DNAJC12: variants seen among roughly 807,000 people sequenced by gnomAD.
The protein encoded by DNAJC12 is DnaJ heat shock protein family (Hsp40) member C12, also known as dnaJ homolog subfamily C member 12.
DNAJC12 carries 25 observed loss-of-function variants against 28.5 expected under a neutral mutation model. The observed-to-expected ratio is 0.88, with a 90% CI of 0.64 to 1.22. DNAJC12 has a LOEUF of 1.22. Ranked by LOEUF, DNAJC12 falls within the 50% of genes most tolerant of loss-of-function variation. The pLI is 0.00. For missense variants in DNAJC12, 222 were observed against 231.7 expected (o/e 0.96, Z 0.27); for synonymous variants, 77 against 80.6 (o/e 0.95, Z 0.24).
At position 67,828,672 on chromosome 10, in the gene DNAJC12, C is replaced by A. The variant is rs60246281; in HGVS notation, c.79-5280G>T. Among the ~76,000 whole-genome samples the A allele has an allele frequency of 3.0e-3, 451 of 151,346 alleles. 3 individuals are homozygous for A. Among genetic ancestry groups the A allele is most frequent in the African/African-American group, 0.01 (423 of 41,190 alleles). ...TATTCTATTTTCTCTCTCTCTCTCT[C>A]TCTATATATATATATATACACACAT... On this transcript the variant is annotated intron_variant, in intron 1 of 4. Coordinates refer to ENST00000225171, the MANE Select transcript of DNAJC12 (RefSeq NM_021800.3).
chr10:67,805,049 A>C (rs564773966), intron 4 of DNAJC12, among the ~76,000 whole-genome samples: 8 of 152,256 alleles, frequency 5.3e-5, no homozygotes, highest in South Asian at 2.1e-4. Context: ...AAAAAAAATT[A>C]AATTCAATTC....
chr10:67,798,210 A>G (rs1399160099), intron 4 of DNAJC12, among the ~76,000 whole-genome samples: 1 of 152,106 alleles, frequency 6.6e-6, no homozygotes, highest in African/African-American at 2.4e-5. Context: ...AACTTTAGCA[A>G]ATGAAAGCTG....
chr10:67,826,637 A>G (rs1564865776), intron 1 of DNAJC12, among the ~76,000 whole-genome samples: 2 of 133,602 alleles, frequency 1.5e-5, no homozygotes, highest in African/African-American at 5.6e-5. Flanking sequence ...ATCATTATAT[A>G]TAAGATATCT....
At position 67,823,350 on chromosome 10, in the gene DNAJC12, AT is replaced by A. The variant is rs1841998852; in HGVS notation, c.120del (p.Glu40AspfsTer27). ...ILAEFKVRALECHPDKHPENP... is the reference protein window; with the variant it reads ...ILAEFKVRALXCHPDKHPENP... ...TTTTCAGGATGCTTGTCTGGGTGAC[AT>A]TCCAGAGCTCTGACTTTAAATTCTG... On this transcript the variant is annotated frameshift_variant, in exon 2 of 5. Coordinates refer to ENST00000225171, the MANE Select transcript of DNAJC12 (RefSeq NM_021800.3). LOFTEE classifies it high-confidence loss of function. The A allele has an allele frequency of 1.9e-6, 3 of 1,614,002 alleles. No individual in the cohort carries two copies. Among genetic ancestry groups the A allele is most frequent in the Non-Finnish European group, 2.5e-6 (3 of 1,180,024 alleles).
At position 67,828,913 on chromosome 10, in the gene DNAJC12, C is replaced by T. The variant is rs1192347742; in HGVS notation, c.79-5521G>A. On this transcript the variant is annotated intron_variant, in intron 1 of 4. Coordinates refer to ENST00000225171, the MANE Select transcript of DNAJC12 (RefSeq NM_021800.3). ...TAAATTCCAGTTCCCTTTCTAGTCT[C>T]ATGCATTTCAAGGAAATCACTTCTG... Among the ~76,000 whole-genome samples, 14 of 152,238 alleles carry T rather than the reference C, an allele frequency of 9.2e-5. No individual in the cohort carries two copies. In the East Asian group the frequency reaches 2.7e-3, roughly 29 times the overall value.
intron 1 of DNAJC12, among the ~76,000 whole-genome samples, chr10:67,824,869 G>T (rs1311701116): frequency 1.3e-5 from 2 of 151,962 alleles, no homozygotes; most frequent in Non-Finnish European, 1.5e-5. Flanking sequence ...AAGTAGCTGG[G>T]ATTACAGGTG....
chr10:67,798,775 C>G (rs200395343), intron 4 of DNAJC12, among the ~76,000 whole-genome samples: 3 of 37,070 alleles, frequency 8.1e-5, no homozygotes, highest in African/African-American at 2.8e-4. Flanking sequence ...TTTTTTTTTT[C>G]CTTTTCTGAA....
chr10:67,826,317 A>T (rs1842029036), intron 1 of DNAJC12, among the ~76,000 whole-genome samples: 1 of 151,204 alleles, frequency 6.6e-6, no homozygotes. Flanking sequence ...CATGTTTTAT[A>T]GAGATGGGGT....
At chr10:67,808,647 T>A (rs1187503706) in intron 3 of DNAJC12, 1 of 152,020 alleles carries the variant, frequency 6.6e-6, no homozygotes, top group Non-Finnish European at 1.5e-5. Context: ...AAATAAAAAA[T>A]TTTGTTTACA....
At chr10:67,834,910 G>A (rs1280005842) in intron 1 of DNAJC12, among the ~76,000 whole-genome samples, 1 of 151,992 alleles carries the variant, frequency 6.6e-6, no homozygotes, top group Non-Finnish European at 1.5e-5. Flanking sequence ...TTTGAAATGG[G>A]GAATATATTG....
chr10:67,821,766 G>A (rs1171545825), intron 2 of DNAJC12, among the ~76,000 whole-genome samples: 1 of 152,168 alleles, frequency 6.6e-6, no homozygotes, highest in East Asian at 1.9e-4. Context: ...CTTACCTACA[G>A]CAATGGCACC....
At chr10:67,797,259 G>A (rs142780075) in intron 4 of DNAJC12, 49 bp from the exon 5 acceptor site, 25 of 1,509,208 alleles carry the variant, frequency 1.7e-5, no homozygotes, top group Middle Eastern at 1.7e-4. Context: ...AGGAAAAGTC[G>A]ATCTTGTTAT....
In DNAJC12 at chr10:67,827,951, T is replaced by C. The variant is rs943237966; in HGVS notation, c.79-4559A>G. Among the ~76,000 whole-genome samples the C allele has an allele frequency of 2.0e-5, 3 of 152,266 alleles. No individual in the cohort carries two copies. The East Asian group carries it at 5.8e-4, about 29-fold the overall frequency. On this transcript the variant is annotated intron_variant, in intron 1 of 4. Coordinates refer to ENST00000225171, the MANE Select transcript of DNAJC12 (RefSeq NM_021800.3). The stretch of plus-strand genomic sequence containing the variant: ...AGTGGGTTAGTTTATCTTGAACACA[T>C]TGTATTTATCTTCTGGCCTCCCTAC...
chr10:67,797,350 T>G (rs867071695), intron 4 of DNAJC12, 140 bp from the exon 5 acceptor site: 2 of 622,686 alleles, frequency 3.2e-6, no homozygotes, highest in Non-Finnish European at 5.6e-6. Context: ...ATTAACATCT[T>G]AGAGAAATGG....
intron 4 of DNAJC12, 77 bp downstream of exon 4, chr10:67,805,505 GT>G: frequency 6.9e-7 from 1 of 1,447,618 alleles, no homozygotes; most frequent in Non-Finnish European, 9.3e-7. Context: ...GATTGAAAAA[GT>G]TAAGAATAAA....
At chr10:67,802,838 C>CGTGTGTGT (rs71006167) in intron 4 of DNAJC12, among the ~76,000 whole-genome samples, 10 of 143,030 alleles carry the variant, frequency 7.0e-5, no homozygotes, top group African/African-American at 2.6e-4. Context: ...AGTTATTGTG[C>CGTGTGTGT]GTGTGTGTGT....
chr10:67,832,981 T>G (rs1842108354), intron 1 of DNAJC12, among the ~76,000 whole-genome samples: 1 of 152,106 alleles, frequency 6.6e-6, no homozygotes, highest in Non-Finnish European at 1.5e-5. Context: ...AATCTAATCA[T>G]GAGAAAATAT....
At chr10:67,806,850 T>C (rs951653980) in intron 3 of DNAJC12, among the ~76,000 whole-genome samples, 1 of 148,840 alleles carries the variant, frequency 6.7e-6, no homozygotes, top group African/African-American at 2.5e-5. Flanking sequence ...GAAAAAGAAA[T>C]GGGAAGGAAA....
chr10:67,799,843 A>C (rs1395306491), intron 4 of DNAJC12, among the ~76,000 whole-genome samples: 3 of 150,738 alleles, frequency 2.0e-5, no homozygotes, highest in African/African-American at 7.3e-5. Flanking sequence ...GGATCACGCC[A>C]CTGCACTCCA....
Sources: allele counts gnomAD v4.1 joint callset (sites outside exome capture counted in the v4.1 genomes callset), GRCh38; gene constraint gnomAD v4.1.1; transcripts MANE v1.5; gene names NCBI Gene and HGNC (gene_info 2026-07-23, HGNC 2026-07-21).